Variants in DLG2 observed in about 807,000 individuals in gnomAD.
The protein encoded by DLG2 is disks large homolog 2.
In DLG2, 45 loss-of-function variants were observed where a neutral mutation model predicts 132.5. That is an observed-to-expected ratio of 0.34 (90% CI 0.27 to 0.44). DLG2 has a LOEUF of 0.44. DLG2 is among the 20% of genes least tolerant of loss of function. The pLI is 1.00. For missense variants in DLG2, 1,045 were observed against 1,196.9 expected, an observed-to-expected ratio of 0.87 and a Z score of 1.87; for synonymous variants, 424 against 419.6, an observed-to-expected ratio of 1.01 and a Z score of -0.13.
At chr11:84,830,141 C>T (rs1207772323) in intron 6 of DLG2, among the ~76,000 whole-genome samples, 1 of 151,608 alleles carries the variant, frequency 6.6e-6, no homozygotes, top group African/African-American at 2.4e-5. Context: ...TTTACTCTTA[C>T]ATTTTTTCCT....
chr11:84,582,865 C>G (rs1222642454), intron 6 of DLG2, among the ~76,000 whole-genome samples: 1 of 152,118 alleles, frequency 6.6e-6, no homozygotes, highest in Non-Finnish European at 1.5e-5. Context: ...ACAATCTTAT[C>G]CTTGCAGGTT....
intron 18 of DLG2, among the ~76,000 whole-genome samples, chr11:83,727,106 A>G (rs1397760764): frequency 6.6e-6 from 1 of 152,238 alleles, no homozygotes; most frequent in Non-Finnish European, 1.5e-5. Flanking sequence ...TTTTAACAAT[A>G]TAAGAGCAGC....
intron 16 of DLG2, among the ~76,000 whole-genome samples, chr11:83,873,082 C>T (rs753452479): frequency 2.0e-5 from 3 of 152,158 alleles, no homozygotes; most frequent in Non-Finnish European, 2.9e-5. Flanking sequence ...AATTGTACAA[C>T]CAGTGCTCTC....
intron 6 of DLG2, among the ~76,000 whole-genome samples, chr11:84,688,268 C>A (rs188694207): frequency 1.3e-5 from 2 of 152,222 alleles, no homozygotes; most frequent in East Asian, 1.9e-4. Context: ...TTGAACTTCA[C>A]CATACAGCAG....
intron 7 of DLG2, among the ~76,000 whole-genome samples, chr11:84,420,786 A>G (rs1006254321): frequency 2.6e-4 from 38 of 145,810 alleles, no homozygotes; most frequent in African/African-American, 8.1e-4. Context: ...CTCCTGCCTC[A>G]GCCTCCCAAG....
chr11:85,060,395 A>C lies in DLG2; in HGVS notation c.357+51266T>G, dbSNP rs183847664. Among the ~76,000 whole-genome samples the C allele has an allele frequency of 6.1e-3, 918 of 150,640 alleles. 10 individuals carry two copies. The highest frequency in any genetic ancestry group is 0.024 in the Middle Eastern group (7 of 286). ...CATAATACATCACAAGATGTTATAT[A>C]TACATAACATTATATATGTGTGTGT... On this transcript the variant is annotated intron_variant, in intron 6 of 27. Transcript: ENST00000376104.
intron 3 of DLG2, among the ~76,000 whole-genome samples, chr11:85,362,091 G>C (rs1240986038): frequency 6.6e-6 from 1 of 152,044 alleles, no homozygotes; most frequent in Non-Finnish European, 1.5e-5. Context: ...CAAGTAGCTG[G>C]GACTACTGGC....
intron 18 of DLG2, among the ~76,000 whole-genome samples, chr11:83,668,293 C>T (rs1306186260): frequency 6.6e-6 from 1 of 152,080 alleles, no homozygotes; most frequent in Admixed American, 6.5e-5. Context: ...AATCTATTTT[C>T]AATTCTTCCT....
chr11:83,457,519 C>G lies in DLG2; in HGVS notation c.*2299G>C, dbSNP rs913465564. On this transcript the variant is annotated 3_prime_UTR_variant, in exon 28 of 28. Transcript: ENST00000376104. The stretch of plus-strand genomic sequence containing the variant: ...AATAAATAGTTATATTACTACAAAA[C>G]CAAGGGTTGGTGGTTCAATTTGATT... 39 of 152,516 alleles carry G rather than the reference C, an allele frequency of 2.6e-4. No homozygotes were observed. Among genetic ancestry groups the G allele is most frequent in the Admixed American group, 2.0e-4 (3 of 15,276 alleles). The allele number at this position is 152,516 out of a possible 1,614,324, so 9.4% of individuals were successfully genotyped here.
chr11:84,702,662 C>T (rs1016326673), intron 6 of DLG2, among the ~76,000 whole-genome samples: 3 of 151,592 alleles, frequency 2.0e-5, no homozygotes, highest in Non-Finnish European at 4.4e-5. Context: ...TCATCCTTTC[C>T]AAGTATTACT....
intron 21 of DLG2, among the ~76,000 whole-genome samples, chr11:83,513,871 CT>C (rs1175473027): frequency 1.3e-5 from 2 of 152,134 alleles, no homozygotes; most frequent in African/African-American, 4.8e-5. Context: ...GGGCTCTGTT[CT>C]GTTCCATTGG....
intron 8 of DLG2, among the ~76,000 whole-genome samples, chr11:84,235,787 A>G (rs1285426921): frequency 2.0e-5 from 3 of 152,088 alleles, no homozygotes; most frequent in African/African-American, 7.2e-5. Flanking sequence ...GTATAATGCT[A>G]TTCTTATTAC....
intron 3 of DLG2, among the ~76,000 whole-genome samples, chr11:85,383,095 T>G (rs1023737975): frequency 2.0e-5 from 3 of 152,144 alleles, no homozygotes; most frequent in African/African-American, 7.2e-5. Flanking sequence ...CATCAGCTGA[T>G]GAACAGATAA....
chr11:84,923,721 T>C, intron 6 of DLG2: 1 of 350,360 alleles, frequency 2.9e-6, no homozygotes, highest in Non-Finnish European at 4.0e-6. Flanking sequence ...CTTCTCCATG[T>C]GGAACAGGAC....
intron 3 of DLG2, among the ~76,000 whole-genome samples, chr11:85,340,579 G>C (rs556346958): frequency 7.2e-5 from 11 of 152,298 alleles, no homozygotes; most frequent in African/African-American, 2.4e-4. Context: ...CATGGCACAT[G>C]TATACCTACG....
At chr11:83,545,079 T>C (rs7927435) in intron 19 of DLG2, among the ~76,000 whole-genome samples, 66,096 of 151,932 alleles carry the variant, frequency 0.44, 14,516 homozygotes, top group Middle Eastern at 0.54. Context: ...GGATGTAAAC[T>C]ATGGGGAGTT....
intron 6 of DLG2, among the ~76,000 whole-genome samples, chr11:84,606,639 T>G (rs186372998): frequency 2.0e-5 from 3 of 152,142 alleles, no homozygotes; most frequent in Non-Finnish European, 4.4e-5. Flanking sequence ...TAAATTCCTT[T>G]TGGACAGCTG....
At chr11:85,138,853 C>A (rs1010417678) in intron 5 of DLG2, among the ~76,000 whole-genome samples, 8 of 152,088 alleles carry the variant, frequency 5.3e-5, no homozygotes, top group African/African-American at 1.9e-4. Flanking sequence ...TTTCCAGTCT[C>A]GGGTATGTCT....
At chr11:84,012,292 A>G (rs2094930503) in intron 11 of DLG2, among the ~76,000 whole-genome samples, 1 of 152,092 alleles carries the variant, frequency 6.6e-6, no homozygotes, top group Non-Finnish European at 1.5e-5. Context: ...ATTGTGTACT[A>G]TTTGTAAGAC....
Sources: allele counts gnomAD v4.1 joint callset (sites outside exome capture counted in the v4.1 genomes callset), GRCh38; gene constraint gnomAD v4.1.1; transcripts MANE v1.5; gene names NCBI Gene and HGNC (gene_info 2026-07-23, HGNC 2026-07-21).